The following GAB2 variants were observed in gnomAD, a reference collection of about 807,000 sequenced individuals.
GAB2 encodes the protein GRB2 associated binding protein 2.
Under a neutral mutation model 65.5 loss-of-function variants are expected in GAB2, and 26 were observed. The ratio of observed to expected loss-of-function variants is 0.40; its 90% confidence interval spans 0.29 to 0.55. The LOEUF is 0.55. GAB2 is among the 20% of genes least tolerant of loss of function. The probability of loss-of-function intolerance (pLI) is 0.53; values close to 1 mark genes in which losing one functional copy is unlikely to be tolerated. For missense variants in GAB2, 884 were observed against 875.8 expected, an observed-to-expected ratio of 1.01 and a Z score of -0.12; for synonymous variants, 321 against 329.6, an observed-to-expected ratio of 0.97 and a Z score of 0.28.
chr11:78,347,501 T>A (rs1385534313), intron 1 of GAB2, among the ~76,000 whole-genome samples: 1 of 152,186 alleles, frequency 6.6e-6, no homozygotes, highest in Non-Finnish European at 1.5e-5. Flanking sequence ...ACTTCTTTTC[T>A]TCATCATTAA....
intron 1 of GAB2, among the ~76,000 whole-genome samples, chr11:78,286,429 G>A (rs375880059): frequency 1.3e-5 from 2 of 151,688 alleles, no homozygotes; most frequent in Non-Finnish European, 2.9e-5. Context: ...TTCTTTCCCC[G>A]GGTTTGACAT....
At position 78,215,504 on chromosome 11, in the gene GAB2, C is replaced by G. The variant is rs752449609; in HGVS notation, c.*3768G>C. ...AATAACTTAAGTGATTAGGCACCAACAGTGATTTGAAAATTAAATGTCAAT... is the reference window on the plus strand; with the variant it reads ...AATAACTTAAGTGATTAGGCACCAAGAGTGATTTGAAAATTAAATGTCAAT... On this transcript the variant is annotated 3_prime_UTR_variant, in exon 10 of 10. Transcript: ENST00000361507. The G allele has an allele frequency of 1.3e-5, 2 of 152,628 alleles. No homozygotes were observed. The highest frequency in any genetic ancestry group is 4.8e-5 in the African/African-American group (2 of 41,460). 9.5% of individuals were successfully genotyped at this position (152,628 alleles called of 1,614,324 possible).
intron 3 of GAB2, among the ~76,000 whole-genome samples, chr11:78,245,329 AAATC>A (rs1198713757): frequency 6.6e-6 from 1 of 152,168 alleles, no homozygotes; most frequent in Non-Finnish European, 1.5e-5. Context: ...TGAAAAGAAA[AAATC>A]ATTCAGAGGA....
intron 1 of GAB2, among the ~76,000 whole-genome samples, chr11:78,376,050 G>A (rs932243092): frequency 2.0e-5 from 3 of 152,194 alleles, no homozygotes; most frequent in Admixed American, 6.5e-5. Context: ...AGATCAGAAC[G>A]TAAGTATAAT....
intron 1 of GAB2, among the ~76,000 whole-genome samples, chr11:78,323,651 G>C (rs1282772820): frequency 1.3e-5 from 2 of 151,940 alleles, no homozygotes; most frequent in Non-Finnish European, 1.5e-5. Context: ...TCGGGGGAGG[G>C]AGGAGGGGGG....
chr11:78,334,093 T>C (rs1855960197), intron 1 of GAB2, among the ~76,000 whole-genome samples: 1 of 152,208 alleles, frequency 6.6e-6, no homozygotes. Context: ...ATAATAATTT[T>C]TTTGATGGTT....
At chr11:78,417,159 G>A (rs3953454) in intron 1 of GAB2, among the ~76,000 whole-genome samples, 2 of 152,102 alleles carry the variant, frequency 1.3e-5, no homozygotes, top group South Asian at 2.1e-4. Flanking sequence ...GCCGGCGGCC[G>A]GGAGGGGCAG....
chr11:78,223,051 G>T lies in GAB2; in HGVS notation c.1567+361C>A, dbSNP rs116738608. Among the ~76,000 whole-genome samples, 1,052 of 152,290 alleles carry T rather than the reference G, an allele frequency of 6.9e-3. 10 individuals are homozygous for T. Among genetic ancestry groups the T allele is most frequent in the African/African-American group, 0.024 (992 of 41,560 alleles). ...AATTCCCTGTTGGCCAGACCCACAG[G>T]GGGCTATCTCTGCCTAGCTATCCTA... On this transcript the variant is annotated intron_variant, in intron 6 of 9. Coordinates refer to ENST00000361507, the MANE Select transcript of GAB2 (RefSeq NM_080491.3).
chr11:78,290,279 G>A (rs1217235023), intron 1 of GAB2, among the ~76,000 whole-genome samples: 1 of 152,136 alleles, frequency 6.6e-6, no homozygotes, highest in African/African-American at 2.4e-5. Context: ...CTACTGTCAA[G>A]AAAGTTGGAA....
At chr11:78,388,521 T>C (rs1856796391) in intron 1 of GAB2, among the ~76,000 whole-genome samples, 1 of 151,960 alleles carries the variant, frequency 6.6e-6, no homozygotes, top group Admixed American at 6.6e-5. Context: ...AGAGACAGTG[T>C]CTTGCTATGT....
At chr11:78,381,461 C>G (rs940618042) in intron 1 of GAB2, among the ~76,000 whole-genome samples, 3 of 152,174 alleles carry the variant, frequency 2.0e-5, no homozygotes, top group Non-Finnish European at 2.9e-5. Context: ...ACAGCTAAGG[C>G]AGAGTAAGAA....
At chr11:78,327,762 C>A (rs1056947331) in intron 1 of GAB2, among the ~76,000 whole-genome samples, 2 of 152,160 alleles carry the variant, frequency 1.3e-5, no homozygotes, top group African/African-American at 2.4e-5. Context: ...AAGGGCAAGA[C>A]AGCTGGGTTT....
chr11:78,289,939 A>G (rs143373152), intron 1 of GAB2, among the ~76,000 whole-genome samples: 1 of 149,382 alleles, frequency 6.7e-6, no homozygotes, highest in East Asian at 2.0e-4. Flanking sequence ...TATGGAAAAG[A>G]GGGAGGAAAG....
chr11:78,257,858 A>C (rs1436949402), intron 2 of GAB2, among the ~76,000 whole-genome samples: 1 of 152,064 alleles, frequency 6.6e-6, no homozygotes, highest in East Asian at 1.9e-4. Context: ...AGAGACATCA[A>C]TAGCAAACTC....
At chr11:78,288,340 C>G (rs186437497) in intron 1 of GAB2, among the ~76,000 whole-genome samples, 96 of 138,870 alleles carry the variant, frequency 6.9e-4, no homozygotes, top group Admixed American at 4.7e-3. Flanking sequence ...GATGGTGCCA[C>G]TGCACTCCAG....
At chr11:78,227,342 C>T (rs563444081) in intron 3 of GAB2, among the ~76,000 whole-genome samples, 137 of 152,130 alleles carry the variant, frequency 9.0e-4, no homozygotes, top group Non-Finnish European at 8.7e-4. Flanking sequence ...TTTTAAGTAC[C>T]GCAGAATATG....
intron 1 of GAB2, among the ~76,000 whole-genome samples, chr11:78,406,664 C>T (rs1156790926): frequency 6.7e-6 from 1 of 149,776 alleles, no homozygotes; most frequent in African/African-American, 2.4e-5. Context: ...ATGTGTGAGC[C>T]AAAAATGTCC....
In GAB2 at chr11:78,306,240, A is replaced by AT. The variant is rs564680718; in HGVS notation, c.76-25340dup. Reference sequence around the variant, plus strand: ...TATACTTTTTTATTTTTATTTATTCATTTTTTTTGAGATGGAGTCTCACTC... The same window carrying AT: ...TATACTTTTTTATTTTTATTTATTCATTTTTTTTTGAGATGGAGTCTCACTC... On this transcript the variant is annotated intron_variant, in intron 1 of 9. Coordinates refer to ENST00000361507, the MANE Select transcript of GAB2 (RefSeq NM_080491.3). Among the ~76,000 whole-genome samples, 15 of 151,904 alleles carry AT rather than the reference A, an allele frequency of 9.9e-5. No individual in the cohort carries two copies. In the East Asian group the frequency reaches 2.5e-3, roughly 25 times the overall value.
At chr11:78,378,016 T>C (rs1295735592) in intron 1 of GAB2, among the ~76,000 whole-genome samples, 1 of 152,166 alleles carries the variant, frequency 6.6e-6, no homozygotes, top group African/African-American at 2.4e-5. Context: ...ACCACGTGAG[T>C]GTCAGGTGAG....
Sources: gnomAD v4.1 joint callset for allele counts (sites outside exome capture counted in the v4.1 genomes callset) on GRCh38, gnomAD v4.1.1 for gene constraint, MANE v1.5 for transcripts, NCBI Gene and HGNC (gene_info 2026-07-23, HGNC 2026-07-21) for gene names.